Variants in SLC9A9 observed in about 807,000 individuals in gnomAD.
The protein encoded by SLC9A9 is sodium/hydrogen exchanger 9.
A neutral mutation model predicts 77.8 loss-of-function variants in SLC9A9; 62 were observed. The ratio of observed to expected loss-of-function variants is 0.80; its 90% CI spans 0.65 to 0.98. SLC9A9 has a LOEUF of 0.98. Ranked by LOEUF, SLC9A9 falls within the 50% of genes least tolerant of loss-of-function variation. The pLI, the probability that SLC9A9 is intolerant of heterozygous loss-of-function variation, is 0.00. For synonymous variants in SLC9A9, 320 were observed against 283.5 expected (o/e 1.13, Z -1.29); for missense variants, 775 against 774.9 (o/e 1.00, Z 0.00).
chr3:143,326,270 A>G (rs1332894932), intron 14 of SLC9A9, among the ~76,000 whole-genome samples: 4 of 152,132 alleles, frequency 2.6e-5, no homozygotes, highest in African/African-American at 9.7e-5. Flanking sequence ...CTTTCCTGCA[A>G]TTCTCCACAC....
At chr3:143,418,211 A>G (rs2034232311) in intron 12 of SLC9A9, among the ~76,000 whole-genome samples, 1 of 151,632 alleles carries the variant, frequency 6.6e-6, no homozygotes, top group African/African-American at 2.4e-5. Flanking sequence ...TAGGTAGCAG[A>G]TGTGGGAGGA....
At chr3:143,778,052 A>T (rs2007754949) in intron 4 of SLC9A9, among the ~76,000 whole-genome samples, 1 of 151,066 alleles carries the variant, frequency 6.6e-6, no homozygotes. Flanking sequence ...AAAAAAAAAA[A>T]GATGCTGAAT....
At chr3:143,668,057 A>G (rs912087057) in intron 5 of SLC9A9, among the ~76,000 whole-genome samples, 3 of 152,110 alleles carry the variant, frequency 2.0e-5, no homozygotes, top group Non-Finnish European at 2.9e-5. Flanking sequence ...GGCACTATTC[A>G]CAATCGCAGA....
intron 9 of SLC9A9, among the ~76,000 whole-genome samples, chr3:143,548,681 A>G (rs2036830493): frequency 1.3e-5 from 2 of 152,192 alleles, no homozygotes; most frequent in Non-Finnish European, 2.9e-5. Flanking sequence ...TGCCTAACAC[A>G]TAGCGATGTT....
At chr3:143,432,787 C>T (rs1322826991) in intron 12 of SLC9A9, among the ~76,000 whole-genome samples, 1 of 152,136 alleles carries the variant, frequency 6.6e-6, no homozygotes. Context: ...ACCCCCACAC[C>T]CGGCTAATTT....
chr3:143,384,721 C>T (rs1303721929), intron 12 of SLC9A9, among the ~76,000 whole-genome samples: 5 of 152,192 alleles, frequency 3.3e-5, no homozygotes, highest in Non-Finnish European at 5.9e-5. Context: ...CCTCCCACAT[C>T]TCATCTCAGG....
At position 143,391,230 on chromosome 3, in the gene SLC9A9, C is replaced by T. The variant is rs150203662; in HGVS notation, c.1470-9116G>A. Among the ~76,000 whole-genome samples, 349 of 152,346 alleles carry T rather than the reference C, an allele frequency of 2.3e-3. 1 individual carries two copies. Among genetic ancestry groups the T allele is most frequent in the African/African-American group, 8.1e-3 (335 of 41,576 alleles). On this transcript the variant is annotated intron_variant, in intron 12 of 15. Coordinates refer to ENST00000316549, the MANE Select transcript of SLC9A9 (RefSeq NM_173653.4). Reference sequence around the variant, plus strand: ...AGGGGCAGACAGACACCTCACATGGCTGGGTACCCCTCTGAGATGAAGCTT... The same window carrying T: ...AGGGGCAGACAGACACCTCACATGGTTGGGTACCCCTCTGAGATGAAGCTT...
At chr3:143,814,666 T>A (rs1437781424) in intron 2 of SLC9A9, among the ~76,000 whole-genome samples, 1 of 152,190 alleles carries the variant, frequency 6.6e-6, no homozygotes, top group Non-Finnish European at 1.5e-5. Context: ...TCATTGACTA[T>A]GTATCTGAAA....
At chr3:143,430,869 A>C (rs1354628369) in intron 12 of SLC9A9, among the ~76,000 whole-genome samples, 2 of 152,072 alleles carry the variant, frequency 1.3e-5, no homozygotes, top group African/African-American at 4.8e-5. Context: ...AAAAAGGGAG[A>C]GCTAGATTCA....
intron 4 of SLC9A9, among the ~76,000 whole-genome samples, chr3:143,701,619 G>A (rs1188512315): frequency 4.0e-5 from 6 of 151,892 alleles, no homozygotes; most frequent in African/African-American, 1.5e-4. Context: ...GTCAGAGGAG[G>A]CAAAAGAAAA....
chr3:143,721,431 C>T (rs115309065), intron 4 of SLC9A9, among the ~76,000 whole-genome samples: 2,275 of 152,080 alleles, frequency 0.015, 27 homozygotes, highest in East Asian at 0.04. Flanking sequence ...ATGGAATAAA[C>T]ACTTCGAAGT....
intron 12 of SLC9A9, among the ~76,000 whole-genome samples, chr3:143,422,439 C>A (rs115078780): frequency 1.9e-3 from 289 of 152,304 alleles, no homozygotes; most frequent in African/African-American, 6.7e-3. Context: ...GAAATCACAT[C>A]TTTTGCAGCA....
intron 14 of SLC9A9, among the ~76,000 whole-genome samples, chr3:143,357,820 C>G (rs946147638): frequency 9.2e-5 from 14 of 152,098 alleles, no homozygotes; most frequent in Admixed American, 5.2e-4. Context: ...AAACTCAAGT[C>G]AATCACAAGG....
chr3:143,581,123 C>T (rs1433084184), intron 6 of SLC9A9, among the ~76,000 whole-genome samples: 2 of 152,080 alleles, frequency 1.3e-5, no homozygotes, highest in East Asian at 3.9e-4. Flanking sequence ...AAAAGGGGTA[C>T]TATTTTAGAA....
chr3:143,811,704 A>G, intron 2 of SLC9A9: 1 of 455,146 alleles, frequency 2.2e-6, no homozygotes, highest in Non-Finnish European at 4.4e-6. Context: ...AAACAAAAAA[A>G]CAAAAAAATT....
chr3:143,268,732 CA>C (rs11312794), intron 15 of SLC9A9, 142 bp downstream of exon 15: 28,430 of 230,954 alleles, frequency 0.12, 3 homozygotes, highest in South Asian at 0.13. Flanking sequence ...GACTCCGTCT[CA>C]AAAAAAAAAA....
chr3:143,812,972 T>C (rs1303520138), intron 2 of SLC9A9, among the ~76,000 whole-genome samples: 1 of 152,226 alleles, frequency 6.6e-6, no homozygotes, highest in Non-Finnish European at 1.5e-5. Context: ...GGACATGAAA[T>C]ATTTACCTGT....
At chr3:143,451,466 A>T (rs1032405104) in intron 12 of SLC9A9, among the ~76,000 whole-genome samples, 6 of 152,200 alleles carry the variant, frequency 3.9e-5, no homozygotes, top group Non-Finnish European at 4.4e-5. Flanking sequence ...TTTTTAAAAC[A>T]GTTTCATTAA....
At chr3:143,656,270 T>A (rs907283305) in intron 5 of SLC9A9, among the ~76,000 whole-genome samples, 4 of 152,194 alleles carry the variant, frequency 2.6e-5, no homozygotes. Context: ...TATAATATTT[T>A]GATTTTTTCA....
Sources: allele counts gnomAD v4.1 joint callset (sites outside exome capture counted in the v4.1 genomes callset), GRCh38; gene constraint gnomAD v4.1.1; transcripts MANE v1.5; gene names NCBI Gene and HGNC (gene_info 2026-07-23, HGNC 2026-07-21).